The following SULT1B1 variants were observed in gnomAD, a reference collection of about 807,000 sequenced individuals.
SULT1B1 encodes sulfotransferase 1B1.
Under a neutral mutation model 34.6 loss-of-function variants are expected in SULT1B1, and 28 were observed. The observed-to-expected ratio is 0.81, with a 90% CI of 0.60 to 1.11. The LOEUF is 1.11. Ranked by LOEUF, SULT1B1 falls within the 50% of genes least tolerant of loss-of-function variation. The pLI is 0.00. For missense variants in SULT1B1, 374 were observed against 352.2 expected, an observed-to-expected ratio of 1.06 and a Z score of -0.50; for synonymous variants, 147 against 110.2, an observed-to-expected ratio of 1.33 and a Z score of -2.09.
At chr4:69,745,242 T>A (rs1718707252) in intron 4 of SULT1B1, among the ~76,000 whole-genome samples, 1 of 152,210 alleles carries the variant, frequency 6.6e-6, no homozygotes, top group African/African-American at 2.4e-5. Context: ...GTACATTTAG[T>A]CAAGTGTTGA....
chr4:69,745,715 A>G (rs1718723130), intron 4 of SULT1B1, among the ~76,000 whole-genome samples: 1 of 152,158 alleles, frequency 6.6e-6, no homozygotes, highest in African/African-American at 2.4e-5. Flanking sequence ...TGTATTCCAG[A>G]TCAAAATTCA....
intron 3 of SULT1B1, among the ~76,000 whole-genome samples, chr4:69,750,940 G>C (rs1306199073): frequency 6.6e-6 from 1 of 152,170 alleles, no homozygotes. Context: ...ATTAAAAAAT[G>C]TGAAAATCCA....
chr4:69,735,842 A>G (rs1296180393), intron 4 of SULT1B1, among the ~76,000 whole-genome samples: 1 of 152,206 alleles, frequency 6.6e-6, no homozygotes, highest in South Asian at 2.1e-4. Flanking sequence ...AGGAATATCA[A>G]ATTTGCCAAC....
At chr4:69,728,040 CT>C (rs1346929555) in intron 7 of SULT1B1, among the ~76,000 whole-genome samples, 2 of 151,856 alleles carry the variant, frequency 1.3e-5, no homozygotes, top group Non-Finnish European at 2.9e-5. Context: ...TATAGATATG[CT>C]TTTTTCCCTA....
intron 7 of SULT1B1, among the ~76,000 whole-genome samples, chr4:69,728,112 T>C (rs1198509665): frequency 6.6e-6 from 1 of 152,002 alleles, no homozygotes; most frequent in Non-Finnish European, 1.5e-5. Context: ...AACATAGGGT[T>C]GAATAAGGGT....
Position 69,734,829 on chromosome 4 carries a change from T to TTC in SULT1B1, c.376-566_376-565insGA, listed in dbSNP as rs71207910. Among the ~76,000 whole-genome samples, 41 of 32,738 alleles carry TTC rather than the reference T, an allele frequency of 1.3e-3. 1 individual carries two copies. The highest frequency in any genetic ancestry group is 4.9e-3 in the African/African-American group (39 of 7,888). 21.5% of individuals were successfully genotyped at this position (32,738 alleles called of 152,430 possible). ...CTCACTATTTTCTACTTCGCTACTC[T>TTC]TTTTTTTTTTTTTTTGAGACGCCCT... On this transcript the variant is annotated intron_variant, in intron 4 of 7. Transcript: ENST00000310613.
intron 4 of SULT1B1, among the ~76,000 whole-genome samples, chr4:69,745,615 T>C (rs1718719514): frequency 6.6e-6 from 1 of 152,170 alleles, no homozygotes; most frequent in Non-Finnish European, 1.5e-5. Flanking sequence ...GTGAGATGAG[T>C]CTCTTGAAGT....
rs542744408 is a variant in SULT1B1 at position 69,723,891 on chromosome 4, C to T, written c.*3197G>A. ...AATGTATCTCAAAATAAGGAGAGCC[C>T]TCTATGACAAACCACCAGCCAATAT... On this transcript the variant is annotated 3_prime_UTR_variant, in exon 8 of 8. Coordinates refer to ENST00000310613, the MANE Select transcript of SULT1B1 (RefSeq NM_014465.4). The T allele has an allele frequency of 6.6e-6, 1 of 151,982 alleles. No individual in the cohort carries two copies. The highest frequency in any genetic ancestry group is 1.5e-5 in the Non-Finnish European group (1 of 67,970). The allele number at this position is 151,982 out of a possible 1,614,324, so 9.4% of individuals were successfully genotyped here.
intron 3 of SULT1B1, among the ~76,000 whole-genome samples, chr4:69,752,195 A>T (rs115579168): frequency 1.3e-5 from 2 of 152,188 alleles, no homozygotes; most frequent in Non-Finnish European, 2.9e-5. Context: ...GAGTATTTAT[A>T]CTTGAATTTT....
chr4:69,729,463 A>G (rs923374657), intron 7 of SULT1B1, among the ~76,000 whole-genome samples: 2 of 152,084 alleles, frequency 1.3e-5, no homozygotes, highest in East Asian at 1.9e-4. Flanking sequence ...CAGATAAGAT[A>G]TATACACATC....
intron 4 of SULT1B1, among the ~76,000 whole-genome samples, chr4:69,735,117 C>T (rs1272032743): frequency 6.6e-6 from 1 of 152,130 alleles, no homozygotes; most frequent in South Asian, 2.1e-4. Context: ...CGTGCCCGGC[C>T]TTTTGTATTC....
chr4:69,731,692 G>A (rs1260144480), intron 6 of SULT1B1, among the ~76,000 whole-genome samples: 1 of 152,036 alleles, frequency 6.6e-6, no homozygotes, highest in African/African-American at 2.4e-5. Flanking sequence ...ATGATTGTAT[G>A]GTAGAAGAAA....
At position 69,722,262 on chromosome 4, in the gene SULT1B1, C is replaced by T. The variant is rs1560516083; in HGVS notation, c.*4826G>A. 6.6e-6 allele frequency: 1 copy of T among 151,992 alleles called. No individual in the cohort carries two copies. The highest frequency in any genetic ancestry group is 2.4e-5 in the African/African-American group (1 of 41,396). The allele number at this position is 151,992 out of a possible 1,614,324, so 9.4% of individuals were successfully genotyped here. A position where few individuals can be genotyped will look rare whatever the true frequency, so the allele number is the denominator to read the frequency against. On this transcript the variant is annotated 3_prime_UTR_variant, in exon 8 of 8. Coordinates refer to ENST00000310613, the MANE Select transcript of SULT1B1 (RefSeq NM_014465.4). ...GTCCAATTACAGAGAGTTATTTCTA[C>T]AAAGTAAAACTAGAAAATGTGGAAA...
chr4:69,727,256 C>T, intron 7 of SULT1B1, 56 bp from the exon 8 acceptor site: 1 of 1,354,860 alleles, frequency 7.4e-7, no homozygotes, highest in African/African-American at 1.5e-5. Context: ...AAGAAGAAAT[C>T]AGTATATACC....
chr4:69,749,929 T>G, intron 3 of SULT1B1, 111 bp from the exon 4 acceptor site: 1 of 718,220 alleles, frequency 1.4e-6, no homozygotes, highest in Non-Finnish European at 2.5e-6. Context: ...GTAATGCAGA[T>G]AAATTCTGAA....
intron 1 of SULT1B1, among the ~76,000 whole-genome samples, chr4:69,756,656 A>C (rs1246197869): frequency 6.6e-6 from 1 of 151,970 alleles, no homozygotes; most frequent in South Asian, 2.1e-4. Context: ...CTCTTCCTGG[A>C]TCTCCAGCCT....
chr4:69,744,472 C>A (rs1578059690), intron 4 of SULT1B1, among the ~76,000 whole-genome samples: 1 of 152,186 alleles, frequency 6.6e-6, no homozygotes, highest in South Asian at 2.1e-4. Flanking sequence ...CTCCTGCCAC[C>A]ACCACCCATG....
At chr4:69,733,285 A>C (rs1718154804) in intron 6 of SULT1B1, 128 bp downstream of exon 6, 4 of 562,440 alleles carry the variant, frequency 7.1e-6, no homozygotes, top group Non-Finnish European at 1.2e-5. Context: ...TTTGGGTAAA[A>C]ACACATGGTG....
intron 5 of SULT1B1, 71 bp from the exon 6 acceptor site, chr4:69,733,578 A>G: frequency 8.6e-7 from 1 of 1,157,906 alleles, no homozygotes; most frequent in Non-Finnish European, 1.2e-6. Context: ...ATAGTAAATC[A>G]AATTGTGAAA....
Sources: allele counts gnomAD v4.1 joint callset (sites outside exome capture counted in the v4.1 genomes callset), GRCh38; gene constraint gnomAD v4.1.1; transcripts MANE v1.5; gene names NCBI Gene and HGNC (gene_info 2026-07-23, HGNC 2026-07-21).